The following SCAP variants were observed in gnomAD, a reference collection of about 807,000 sequenced individuals.
The protein encoded by SCAP is sterol regulatory element-binding protein cleavage-activating protein.
A neutral mutation model predicts 123.6 loss-of-function variants in SCAP; 65 were observed. The observed-to-expected ratio is 0.53, with a 90% CI of 0.43 to 0.65. The LOEUF (loss-of-function observed/expected upper bound fraction) is 0.65. Ranked by LOEUF, SCAP falls within the 30% of genes least tolerant of loss-of-function variation. The probability of loss-of-function intolerance (pLI) is 0.00; values close to 1 mark genes in which losing one functional copy is unlikely to be tolerated. For synonymous variants in SCAP, 740 were observed against 726.3 expected (o/e 1.02, Z -0.30); for missense variants, 1,398 against 1,712.5 (o/e 0.82, Z 3.24).
chr3:47,425,639 C>A lies in SCAP; in HGVS notation c.911-28G>T, dbSNP rs560607975. On this transcript the variant is annotated intron_variant, in intron 7 of 22. Transcript: ENST00000265565. ...GGAGGGCAGAGAGGGCGTATCAGGG[C>A]GGCCCCTCCCCCAGCCCCCGGCCCA... is the stretch of plus-strand genomic sequence containing the variant. 1.4e-5 allele frequency: 22 copies of A among 1,610,308 alleles called. 1 individual carries two copies. In the South Asian group the frequency reaches 2.4e-4, roughly 18 times the overall value.
At position 47,424,040 on chromosome 3, in the gene SCAP, ATC is replaced by A; in HGVS notation, c.1041_1042del (p.Glu347AspfsTer81). On this transcript the variant is annotated frameshift_variant, in exon 9 of 23. Transcript: ENST00000265565. LOFTEE classifies it high-confidence loss of function. ...AATAACCACCACAAGGTAGGGGAAA[ATC>A]TCGCTGGGGACAGAGAAGGAGAAGG... is the stretch of plus-strand genomic sequence containing the variant. 6.2e-7 allele frequency: 1 copy of A among 1,612,730 alleles called. No individual in the cohort carries two copies. The highest frequency in any genetic ancestry group is 8.5e-7 in the Non-Finnish European group (1 of 1,178,752).
intron 1 of SCAP, among the ~76,000 whole-genome samples, chr3:47,445,763 G>A (rs997856265): frequency 6.6e-6 from 1 of 151,566 alleles, no homozygotes; most frequent in Non-Finnish European, 1.5e-5. Flanking sequence ...GTAGAGATGG[G>A]GTTTCACCAT....
rs200867262 is a variant in SCAP at position 47,418,615 on chromosome 3, C to T, written c.2129+40G>A. 1,292 of 1,538,816 alleles carry T rather than the reference C, an allele frequency of 8.4e-4. 4 individuals are homozygous for T. The highest frequency in any genetic ancestry group is 1.0e-3 in the Non-Finnish European group (1,173 of 1,132,000). On this transcript the variant is annotated intron_variant, in intron 14 of 22. Coordinates refer to ENST00000265565, the MANE Select transcript of SCAP (RefSeq NM_012235.4). ...CTACTCTTGCCTACCCGTCCCCCTC[C>T]CCGCACTCTTTCCCACCCCACCCCA...
intron 1 of SCAP, among the ~76,000 whole-genome samples, chr3:47,459,027 A>G (rs771115303): frequency 3.8e-4 from 58 of 152,022 alleles, no homozygotes; most frequent in African/African-American, 1.3e-3. Flanking sequence ...CTGGTTTCAA[A>G]CTCCTGACCT....
At chr3:47,425,279 C>T in intron 8 of SCAP, 1 of 589,836 alleles carries the variant, frequency 1.7e-6, no homozygotes, top group Non-Finnish European at 2.9e-6. Context: ...TGGACACTCA[C>T]TATAGCTAGA....
Position 47,418,626 on chromosome 3 carries a change from TCCCACCCCAC to T in SCAP, c.2129+19_2129+28del, listed in dbSNP as rs766890714. On this transcript the variant is annotated intron_variant, in intron 14 of 22. Coordinates refer to ENST00000265565, the MANE Select transcript of SCAP (RefSeq NM_012235.4). ...TACCCGTCCCCCTCCCCGCACTCTT[TCCCACCCCAC>T]CCCACCCAGCAGCCTTACTTGTACA... 1 of 1,459,576 alleles carries T rather than the reference TCCCACCCCAC, an allele frequency of 6.9e-7. No individual in the cohort carries two copies. Among genetic ancestry groups the T allele is most frequent in the East Asian group, 2.3e-5 (1 of 42,870 alleles). 90.4% of individuals were successfully genotyped at this position (1,459,576 alleles called of 1,614,324 possible).
intron 1 of SCAP, chr3:47,469,995 G>A (rs1707971662): frequency 3.0e-6 from 1 of 329,292 alleles, no homozygotes; most frequent in Non-Finnish European, 6.1e-6. Context: ...AAATAACCAA[G>A]GCATTCGAAC....
chr3:47,466,925 A>T (rs932066960), intron 1 of SCAP, among the ~76,000 whole-genome samples: 7 of 151,974 alleles, frequency 4.6e-5, no homozygotes, highest in African/African-American at 1.2e-4. Flanking sequence ...ATCTTAAAAA[A>T]AAATAAATAC....
At chr3:47,414,787 C>T in intron 20 of SCAP, 40 bp downstream of exon 20, 1 of 1,597,268 alleles carries the variant, frequency 6.3e-7, no homozygotes, top group Middle Eastern at 1.7e-4. Context: ...CCACCCCGTG[C>T]CGGGCCACTC....
At position 47,413,899 on chromosome 3, in the gene SCAP, C is replaced by T. The variant is rs752033323; in HGVS notation, c.3795G>A (p.Glu1265=). The change falls in exon 23 of 23, where the codon GAG becomes GAA. Residue 1265 remains glutamate (E), a synonymous_variant. Coordinates refer to ENST00000265565, the MANE Select transcript of SCAP (RefSeq NM_012235.4). ...NAAIVCNFGS[E]LSLVYVPSVL... is the part of the protein sequence containing the mutation. Reference sequence around the variant, plus strand: ...CAGAGGGCACATACACCAGGCTGAGCTCACTGCCAAAGTTGCAGACAATGG... The same window carrying T: ...CAGAGGGCACATACACCAGGCTGAGTTCACTGCCAAAGTTGCAGACAATGG... The T allele has an allele frequency of 7.4e-6, 12 of 1,613,204 alleles. No individual in the cohort carries two copies. Among genetic ancestry groups the T allele is most frequent in the Non-Finnish European group, 1.0e-5 (12 of 1,180,026 alleles).
At chr3:47,433,293 G>A (rs183321423) in intron 3 of SCAP, among the ~76,000 whole-genome samples, 11 of 152,326 alleles carry the variant, frequency 7.2e-5, no homozygotes, top group Middle Eastern at 6.8e-3. Flanking sequence ...ACTGAGCTGT[G>A]TGACACCAGG....
At position 47,414,070 on chromosome 3, in the gene SCAP, G is replaced by T; in HGVS notation, c.3624C>A (p.Val1208=). The change falls in exon 23 of 23, where the codon GTC becomes GTA. Residue 1208 remains valine, a synonymous_variant. Coordinates refer to ENST00000265565, the MANE Select transcript of SCAP (RefSeq NM_012235.4). Reference sequence around the variant, plus strand: ...CAGTCACCAGCAGGTTGTCTGAGATGACACCCAAGCTTGCACCACAGCCCA... The same window carrying T: ...CAGTCACCAGCAGGTTGTCTGAGATTACACCCAAGCTTGCACCACAGCCCA... The part of the protein sequence containing the change: ...QDLGCGASLG[V]ISDNLLVTGG... 1 of 1,613,388 alleles carries T rather than the reference G, an allele frequency of 6.2e-7. No individual in the cohort carries two copies.
chr3:47,428,337 C>T (rs552786215), intron 4 of SCAP, among the ~76,000 whole-genome samples, 176 bp downstream of exon 4: 1 of 152,304 alleles, frequency 6.6e-6, no homozygotes, highest in Admixed American at 6.5e-5. Context: ...AAGCGGAATG[C>T]AGCCACCGTA....
chr3:47,427,643 C>T lies in SCAP; in HGVS notation c.435G>A (p.Glu145=). 1 of 1,614,086 alleles carries T rather than the reference C, an allele frequency of 6.2e-7. No homozygotes were observed. The highest frequency in any genetic ancestry group is 1.1e-5 in the South Asian group (1 of 91,078). Residue 145 remains glutamate (E), a synonymous_variant, in exon 5 of 23, where the codon GAG becomes GAA. Coordinates refer to ENST00000265565, the MANE Select transcript of SCAP (RefSeq NM_012235.4). ...GCAGGTCGGTCACTTGCAGACACAA[C>T]TCCTCCAAGCTCCTGATCCCAGAGC... is the stretch of plus-strand genomic sequence containing the variant. ...RDSSGIRSLE[E]LCLQVTDLLP...
At chr3:47,464,801 G>A (rs1175662352) in intron 1 of SCAP, among the ~76,000 whole-genome samples, 4 of 152,096 alleles carry the variant, frequency 2.6e-5, no homozygotes, top group African/African-American at 9.7e-5. Context: ...TTCTCTCCAG[G>A]CATCTCAACT....
intron 2 of SCAP, among the ~76,000 whole-genome samples, chr3:47,441,874 CTTTTT>C (rs1160447716): frequency 1.3e-5 from 1 of 76,408 alleles, no homozygotes; most frequent in Non-Finnish European, 2.3e-5. Flanking sequence ...GTTCATCTTT[CTTTTT>C]TTTTTTTTTT....
chr3:47,430,181 T>G (rs777337873), intron 3 of SCAP, among the ~76,000 whole-genome samples: 1 of 152,184 alleles, frequency 6.6e-6, no homozygotes, highest in Non-Finnish European at 1.5e-5. Context: ...AACAGCCTGA[T>G]GAGAAGCAAG....
chr3:47,470,971 A>C (rs1246363635), intron 1 of SCAP, among the ~76,000 whole-genome samples: 1 of 152,198 alleles, frequency 6.6e-6, no homozygotes, highest in Non-Finnish European at 1.5e-5. Context: ...CCCCAAAAAA[A>C]AGTATAATGA....
In SCAP at chr3:47,413,801, AT is replaced by A. The variant is rs1705420704; in HGVS notation, c.*52del. 11 of 1,574,196 alleles carry A rather than the reference AT, an allele frequency of 7.0e-6. No homozygotes were observed. In the East Asian group the frequency reaches 2.6e-4, roughly 37 times the overall value. On this transcript the variant is annotated 3_prime_UTR_variant, in exon 23 of 23. Coordinates refer to ENST00000265565, the MANE Select transcript of SCAP (RefSeq NM_012235.4). ...TTTCCCCCAAGTCCAGGTTCAGTGC[AT>A]TGGCCCCCACACAGCACCCCAGCCT... is the stretch of plus-strand genomic sequence containing the variant.
Sources: allele counts gnomAD v4.1 joint callset (sites outside exome capture counted in the v4.1 genomes callset), GRCh38; gene constraint gnomAD v4.1.1; transcripts MANE v1.5; gene names NCBI Gene and HGNC (gene_info 2026-07-23, HGNC 2026-07-21).